Variants in ANO3 observed in about 807,000 individuals in gnomAD.
The protein encoded by ANO3 is anoctamin 3.
A neutral mutation model predicts 144.8 loss-of-function variants in ANO3; 99 were observed. That is an observed-to-expected ratio of 0.68 (90% confidence interval 0.58 to 0.81). The LOEUF is 0.81. Ranked by LOEUF, ANO3 falls within the 30% of genes least tolerant of loss-of-function variation. ANO3 has a pLI of 0.00. For synonymous variants in ANO3, 414 were observed against 392.6 expected, an observed-to-expected ratio of 1.05 and a Z score of -0.64; for missense variants, 905 against 1,202.2, an observed-to-expected ratio of 0.75 and a Z score of 3.66.
intron 1 of ANO3, among the ~76,000 whole-genome samples, chr11:26,409,579 AT>A (rs1166743110): frequency 6.6e-6 from 1 of 151,940 alleles, no homozygotes; most frequent in Non-Finnish European, 1.5e-5. Flanking sequence ...AGTACACTAA[AT>A]TTACTTTATA....
At chr11:26,616,358 A>T (rs763018914) in intron 17 of ANO3, among the ~76,000 whole-genome samples, 3 of 152,016 alleles carry the variant, frequency 2.0e-5, no homozygotes, top group Non-Finnish European at 4.4e-5. Context: ...CAAGAATCAC[A>T]ATGACTTTTC....
intron 1 of ANO3, among the ~76,000 whole-genome samples, chr11:26,197,400 G>A (rs1417917301): frequency 6.6e-6 from 1 of 152,158 alleles, no homozygotes; most frequent in African/African-American, 2.4e-5. Context: ...CCAGGCTGGA[G>A]TGCAGTGGCG....
chr11:26,627,845 G>A (rs982989744), intron 18 of ANO3, among the ~76,000 whole-genome samples: 1 of 138,158 alleles, frequency 7.2e-6, no homozygotes, highest in Non-Finnish European at 1.6e-5. Context: ...GTGTGTGTGT[G>A]TGTGTGTGTG....
intron 1 of ANO3, among the ~76,000 whole-genome samples, chr11:26,316,964 C>T (rs1429645652): frequency 3.3e-5 from 5 of 152,134 alleles, no homozygotes; most frequent in Non-Finnish European, 5.9e-5. Context: ...TATTCCATAG[C>T]AATAGTTTCA....
At chr11:26,249,349 C>T (rs866839789) in intron 1 of ANO3, among the ~76,000 whole-genome samples, 8 of 152,202 alleles carry the variant, frequency 5.3e-5, no homozygotes, top group East Asian at 1.9e-4. Flanking sequence ...CATTCTACTA[C>T]GAAGCTAACA....
intron 4 of ANO3, among the ~76,000 whole-genome samples, chr11:26,482,020 G>A (rs1367837507): frequency 6.6e-6 from 1 of 151,844 alleles, no homozygotes; most frequent in Non-Finnish European, 1.5e-5. Flanking sequence ...AGCTTCCCAA[G>A]TAGCTGGGAG....
At chr11:26,474,512 A>C (rs1307716770) in intron 4 of ANO3, among the ~76,000 whole-genome samples, 1 of 151,852 alleles carries the variant, frequency 6.6e-6, no homozygotes, top group Non-Finnish European at 1.5e-5. Context: ...ACTGGTTTTC[A>C]TCAAAATAGA....
chr11:26,333,024 A>G lies in ANO3; in HGVS notation c.46+703A>G, dbSNP rs539768661. ...TCTTATTTGGTTTAAAAGGCTTTTTACAGAGCATTTTTATTTTGAGGCACA... is the reference window on the plus strand; with the variant it reads ...TCTTATTTGGTTTAAAAGGCTTTTTGCAGAGCATTTTTATTTTGAGGCACA... On this transcript the variant is annotated intron_variant, in intron 1 of 26. Coordinates refer to ENST00000256737, the MANE Select transcript of ANO3 (RefSeq NM_031418.4). Among the ~76,000 whole-genome samples the G allele has an allele frequency of 1.8e-4, 27 of 152,298 alleles. No homozygotes were observed. The South Asian group carries it at 5.2e-3, about 29-fold the overall frequency.
intron 1 of ANO3, among the ~76,000 whole-genome samples, chr11:26,388,686 T>A (rs555268608): frequency 6.6e-6 from 1 of 152,262 alleles, no homozygotes; most frequent in East Asian, 1.9e-4. Flanking sequence ...ACCTTAGAAG[T>A]GATCCCATCA....
intron 7 of ANO3, among the ~76,000 whole-genome samples, chr11:26,527,351 C>T (rs561759504): frequency 6.6e-6 from 1 of 152,006 alleles, no homozygotes; most frequent in Non-Finnish European, 1.5e-5. Context: ...ATCATTTATT[C>T]CAAATGATTA....
intron 1 of ANO3, among the ~76,000 whole-genome samples, chr11:26,310,428 G>A (rs531516158): frequency 7.6e-4 from 115 of 152,298 alleles, no homozygotes; most frequent in Middle Eastern, 3.4e-3. Context: ...ATAAAATAGA[G>A]AGTTAAACAT....
intron 4 of ANO3, among the ~76,000 whole-genome samples, chr11:26,499,041 T>G (rs1486293621): frequency 6.6e-6 from 1 of 151,950 alleles, no homozygotes; most frequent in African/African-American, 2.4e-5. Flanking sequence ...TTCCAGTTGA[T>G]GGACTATTTT....
intron 14 of ANO3, chr11:26,565,049 A>G: frequency 9.5e-7 from 1 of 1,049,356 alleles, no homozygotes; most frequent in Non-Finnish European, 1.3e-6. Context: ...GAGAAAATCC[A>G]TGCTATTGTG....
chr11:26,237,884 G>T (rs189142082), intron 1 of ANO3, among the ~76,000 whole-genome samples: 170 of 152,180 alleles, frequency 1.1e-3, no homozygotes, highest in Middle Eastern at 3.4e-3. Context: ...ATGCCTAAAT[G>T]AAAGTGTTTA....
intron 1 of ANO3, among the ~76,000 whole-genome samples, chr11:26,248,453 T>C (rs1283089308): frequency 6.6e-6 from 1 of 152,234 alleles, no homozygotes; most frequent in South Asian, 2.1e-4. Flanking sequence ...TTATCATATA[T>C]GCCTCTGATA....
chr11:26,525,833 G>A (rs185433764), intron 7 of ANO3, among the ~76,000 whole-genome samples, 154 bp downstream of exon 7: 59 of 152,106 alleles, frequency 3.9e-4, no homozygotes, highest in Admixed American at 3.2e-3. Flanking sequence ...ATGCCAAATC[G>A]AATAACATTT....
rs191969015 is a variant in ANO3 at position 26,363,805 on chromosome 11, C to A, written c.46+31484C>A. Among the ~76,000 whole-genome samples, 614 of 148,200 alleles carry A rather than the reference C, an allele frequency of 4.1e-3. 3 individuals are homozygous for A. Among genetic ancestry groups the A allele is most frequent in the African/African-American group, 0.014 (581 of 40,696 alleles). ...GCTGTTAGTGATAACTGCAGATTTT[C>A]TTCATGTTCCCTAATACATACTGCA... On this transcript the variant is annotated intron_variant, in intron 1 of 26. Coordinates refer to ENST00000256737, the MANE Select transcript of ANO3 (RefSeq NM_031418.4).
intron 9 of ANO3, 107 bp downstream of exon 9, chr11:26,534,669 G>T: frequency 1.4e-6 from 1 of 703,412 alleles, no homozygotes; most frequent in South Asian, 1.9e-5. Context: ...TTAAATAGAT[G>T]TGTATAACAT....
At chr11:26,445,040 GA>G (rs1427876968) in intron 3 of ANO3, among the ~76,000 whole-genome samples, 3 of 152,080 alleles carry the variant, frequency 2.0e-5, no homozygotes, top group Non-Finnish European at 4.4e-5. Flanking sequence ...CTTGAGACCA[GA>G]AGTATTTCAG....
Sources: allele counts gnomAD v4.1 joint callset (sites outside exome capture counted in the v4.1 genomes callset), GRCh38; gene constraint gnomAD v4.1.1; transcripts MANE v1.5; gene names NCBI Gene and HGNC (gene_info 2026-07-23, HGNC 2026-07-21).